Variants in ARHGAP8 observed in about 807,000 individuals in gnomAD.
ARHGAP8 encodes the protein Rho GTPase activating protein 8.
In ARHGAP8, 62 loss-of-function variants were observed where a neutral mutation model predicts 46.1. The ratio of observed to expected loss-of-function variants is 1.34; its 90% CI spans 1.10 to 1.66. The LOEUF (loss-of-function observed/expected upper bound fraction) is 1.66. ARHGAP8 is among the 40% of genes most tolerant of loss of function. The probability of loss-of-function intolerance (pLI) is 0.00; values close to 1 mark genes in which losing one functional copy is unlikely to be tolerated. For missense variants in ARHGAP8, 923 were observed against 568.4 expected, an observed-to-expected ratio of 1.62 and a Z score of -6.34; for synonymous variants, 375 against 243.1, an observed-to-expected ratio of 1.54 and a Z score of -5.05.
intron 1 of ARHGAP8, among the ~76,000 whole-genome samples, chr22:44,769,520 G>T (rs1925844147): frequency 6.6e-6 from 1 of 152,190 alleles, no homozygotes; most frequent in African/African-American, 2.4e-5. Context: ...TTGGGATTGT[G>T]TTTGAATCTA....
chr22:44,858,998 G>A (rs997623484), intron 10 of ARHGAP8, among the ~76,000 whole-genome samples: 2 of 151,850 alleles, frequency 1.3e-5, no homozygotes, highest in Non-Finnish European at 2.9e-5. Context: ...AATGTCCGTG[G>A]CTGTGTTCCA....
rs114007214 is a variant in ARHGAP8, at chr22:44,859,193, C to A, written c.878-538C>A. Among the ~76,000 whole-genome samples the A allele has an allele frequency of 5.7e-3, 874 of 152,238 alleles. 13 individuals carry two copies. The highest frequency in any genetic ancestry group is 0.039 in the East Asian group (202 of 5,184). ...TTGTAGAATTCAGGTGATGATAGGG[C>A]TTGGATCTGAGTCCCCAGCGCGTCT... On this transcript the variant is annotated intron_variant, in intron 10 of 11. Coordinates refer to ENST00000356099, the MANE Select transcript of ARHGAP8 (RefSeq NM_181335.3).
At chr22:44,852,215 A>AAGG (rs2070113677) in intron 10 of ARHGAP8, among the ~76,000 whole-genome samples, 1 of 140,394 alleles carries the variant, frequency 7.1e-6, no homozygotes, top group Non-Finnish European at 1.6e-5. Flanking sequence ...AAAAAAAAAA[A>AAGG]AAGGAAGGGA....
chr22:44,824,355 C>T (rs539760967), intron 6 of ARHGAP8, among the ~76,000 whole-genome samples: 7 of 152,368 alleles, frequency 4.6e-5, no homozygotes, highest in Admixed American at 4.6e-4. Flanking sequence ...GTGGTAGCAG[C>T]TCACACGTGC....
intron 7 of ARHGAP8, among the ~76,000 whole-genome samples, chr22:44,839,433 G>C (rs1033067741): frequency 3.3e-5 from 5 of 152,194 alleles, no homozygotes; most frequent in Non-Finnish European, 5.9e-5. Flanking sequence ...CGTTTAAGTG[G>C]ATTAGCAGAT....
intron 10 of ARHGAP8, among the ~76,000 whole-genome samples, chr22:44,857,555 G>T (rs1213004172): frequency 6.6e-6 from 1 of 152,212 alleles, no homozygotes; most frequent in Non-Finnish European, 1.5e-5. Context: ...TGCCAGGTTG[G>T]AAGAAGAGTG....
chr22:44,807,065 G>T (rs1390911215), intron 3 of ARHGAP8, among the ~76,000 whole-genome samples: 2 of 152,324 alleles, frequency 1.3e-5, no homozygotes, highest in East Asian at 3.9e-4. Flanking sequence ...GTGGGCACAG[G>T]CTGCTGCGGC....
Position 44,794,432 on chromosome 22 carries a change from C to G in ARHGAP8, c.80-7645C>G, listed in dbSNP as rs186132351. On this transcript the variant is annotated intron_variant, in intron 2 of 11. Coordinates refer to ENST00000356099, the MANE Select transcript of ARHGAP8 (RefSeq NM_181335.3). ...TCTCTCTTTTAAACTTTTTATTGGC[C>G]AGGCACGGTGGCTCACACCTGTAAT... is the stretch of plus-strand genomic sequence containing the variant. 1.1e-3 allele frequency among the ~76,000 whole-genome samples: 170 copies of G among 152,170 alleles called. 1 individual carries two copies. Among genetic ancestry groups the G allele is most frequent in the African/African-American group, 4.0e-3 (164 of 41,508 alleles).
Position 44,795,040 on chromosome 22 carries a change from C to CAAAAA in ARHGAP8, c.80-7027_80-7023dup, listed in dbSNP as rs36122461. ...TGGGTGACACAGCCAAACTCTGTCT[C>CAAAAA]AAAAAAAAAAAAAACAAAAAACGAA... On this transcript the variant is annotated intron_variant, in intron 2 of 11. Transcript: ENST00000356099. 3.6e-3 allele frequency among the ~76,000 whole-genome samples: 400 copies of CAAAAA among 111,778 alleles called. 5 individuals carry two copies. The highest frequency in any genetic ancestry group is 0.012 in the African/African-American group (382 of 30,620). 73.3% of individuals were successfully genotyped at this position (111,778 alleles called of 152,430 possible). A position where few individuals can be genotyped will look rare whatever the true frequency, so the allele number is the denominator to read the frequency against.
chr22:44,860,362 A>G lies in ARHGAP8; in HGVS notation c.981+528A>G, dbSNP rs999848015. ...GTGCTCCTTCCAGAGGCTCTAGGGAAGGTTCCCCTTCCTGGCCTCTCCCAG... is the reference window on the plus strand; with the variant it reads ...GTGCTCCTTCCAGAGGCTCTAGGGAGGGTTCCCCTTCCTGGCCTCTCCCAG... On this transcript the variant is annotated intron_variant, in intron 11 of 11. Coordinates refer to ENST00000356099, the MANE Select transcript of ARHGAP8 (RefSeq NM_181335.3). 1.3e-5 allele frequency among the ~76,000 whole-genome samples: 2 copies of G among 152,236 alleles called. 1 individual carries two copies.
At chr22:44,774,518 ATTTTT>A (rs132473) in intron 1 of ARHGAP8, among the ~76,000 whole-genome samples, 1 of 119,504 alleles carries the variant, frequency 8.4e-6, no homozygotes, top group Non-Finnish European at 1.7e-5. Context: ...TCTTTGGGAG[ATTTTT>A]TTTTTTTTTT....
intron 2 of ARHGAP8, among the ~76,000 whole-genome samples, chr22:44,792,576 G>T (rs950409485): frequency 4.6e-5 from 7 of 152,086 alleles, no homozygotes; most frequent in Non-Finnish European, 1.0e-4. Flanking sequence ...TTCGGCCAAG[G>T]GCTCTCCTGC....
At chr22:44,757,805 A>ATTTTTTTTT (rs132444) in intron 1 of ARHGAP8, among the ~76,000 whole-genome samples, 3 of 137,014 alleles carry the variant, frequency 2.2e-5, no homozygotes, top group Admixed American at 7.3e-5. Flanking sequence ...TGCCTGGCTA[A>ATTTTTTTTT]TTTTTTTTTT....
chr22:44,774,713 G>C (rs1191153102), intron 1 of ARHGAP8, among the ~76,000 whole-genome samples: 1 of 151,804 alleles, frequency 6.6e-6, no homozygotes, highest in African/African-American at 2.4e-5. Context: ...AGTAGAGACG[G>C]ATTTTACCGT....
At chr22:44,788,681 C>T (rs1188343662) in intron 2 of ARHGAP8, among the ~76,000 whole-genome samples, 1 of 152,164 alleles carries the variant, frequency 6.6e-6, no homozygotes, top group Non-Finnish European at 1.5e-5. Flanking sequence ...AGGTGTGAGC[C>T]ACCATGCTGG....
intron 1 of ARHGAP8, among the ~76,000 whole-genome samples, chr22:44,781,938 G>C (rs1462968430): frequency 6.6e-6 from 1 of 152,158 alleles, no homozygotes; most frequent in Non-Finnish European, 1.5e-5. Flanking sequence ...GGGCTCAGTC[G>C]ATCCTCCCAC....
At chr22:44,855,482 A>G (rs1192695482) in intron 10 of ARHGAP8, among the ~76,000 whole-genome samples, 2 of 152,226 alleles carry the variant, frequency 1.3e-5, no homozygotes, top group Non-Finnish European at 2.9e-5. Flanking sequence ...AAGATCTTAT[A>G]ACTTTCATAC....
At chr22:44,842,063 T>G (rs1300111310) in intron 7 of ARHGAP8, among the ~76,000 whole-genome samples, 2 of 152,136 alleles carry the variant, frequency 1.3e-5, no homozygotes, top group Non-Finnish European at 2.9e-5. Flanking sequence ...TTTGAAGGGT[T>G]AAAACCAGGC....
intron 8 of ARHGAP8, among the ~76,000 whole-genome samples, chr22:44,847,172 C>T (rs1213126933): frequency 1.3e-5 from 2 of 152,228 alleles, no homozygotes; most frequent in African/African-American, 4.8e-5. Context: ...CCCCCAAGGG[C>T]AGGCTCAGGC....
Sources: gnomAD v4.1 joint callset for allele counts (sites outside exome capture counted in the v4.1 genomes callset) on GRCh38, gnomAD v4.1.1 for gene constraint, MANE v1.5 for transcripts, NCBI Gene and HGNC (gene_info 2026-07-23, HGNC 2026-07-21) for gene names.